Variants in KLHL1 observed in about 807,000 individuals in gnomAD.
KLHL1 encodes the protein kelch like family member 1, also known as kelch-like protein 1.
In KLHL1, 47 loss-of-function variants were observed where a neutral mutation model predicts 77.7. The ratio of observed to expected loss-of-function variants is 0.60; its 90% CI spans 0.48 to 0.77. The LOEUF (loss-of-function observed/expected upper bound fraction) is 0.77. Among genes scored for constraint, KLHL1 ranks in the 30% least tolerant of loss-of-function variants. KLHL1 has a pLI of 0.00. For synonymous variants in KLHL1, 360 were observed against 325.2 expected, an observed-to-expected ratio of 1.11 and a Z score of -1.15; for missense variants, 925 against 910.8, an observed-to-expected ratio of 1.02 and a Z score of -0.20.
chr13:70,017,866 A>G (rs1885697358), intron 1 of KLHL1, among the ~76,000 whole-genome samples: 1 of 152,174 alleles, frequency 6.6e-6, no homozygotes. Flanking sequence ...TAATTCCAAA[A>G]ATTTAAGGGT....
intron 1 of KLHL1, among the ~76,000 whole-genome samples, chr13:70,025,911 C>T (rs1380228457): frequency 2.0e-5 from 3 of 152,002 alleles, no homozygotes; most frequent in Non-Finnish European, 2.9e-5. Flanking sequence ...AGCGCTAGAG[C>T]TAATAAAGCA....
chr13:69,939,694 G>C (rs1036689291), intron 4 of KLHL1, among the ~76,000 whole-genome samples: 1 of 152,066 alleles, frequency 6.6e-6, no homozygotes, highest in Non-Finnish European at 1.5e-5. Context: ...GAGGTTCCTG[G>C]AGGGTTATGT....
intron 1 of KLHL1, among the ~76,000 whole-genome samples, chr13:69,993,820 T>A (rs1885084147): frequency 6.6e-6 from 1 of 152,124 alleles, no homozygotes; most frequent in Non-Finnish European, 1.5e-5. Flanking sequence ...TTTTCCAATT[T>A]GAGTGTTTGG....
At chr13:69,824,595 A>C (rs955243161) in intron 6 of KLHL1, among the ~76,000 whole-genome samples, 1 of 152,178 alleles carries the variant, frequency 6.6e-6, no homozygotes, top group African/African-American at 2.4e-5. Context: ...GGATATGCAC[A>C]ACATAAATGA....
chr13:69,924,097 G>A (rs1203038098), intron 4 of KLHL1, among the ~76,000 whole-genome samples: 1 of 152,208 alleles, frequency 6.6e-6, no homozygotes, highest in Non-Finnish European at 1.5e-5. Flanking sequence ...ACCCCCTCTG[G>A]ACCTTGGGCA....
intron 5 of KLHL1, among the ~76,000 whole-genome samples, chr13:69,865,254 T>C (rs1252826149): frequency 6.6e-6 from 1 of 152,140 alleles, no homozygotes; most frequent in African/African-American, 2.4e-5. Context: ...GAGCTTTTAA[T>C]GGTAAACCAG....
intron 4 of KLHL1, among the ~76,000 whole-genome samples, chr13:69,891,320 T>A (rs1280250602): frequency 6.6e-6 from 1 of 152,080 alleles, no homozygotes; most frequent in Non-Finnish European, 1.5e-5. Context: ...GTATTAATTT[T>A]TTAAAAAAGA....
At chr13:69,997,014 A>G (rs1282348015) in intron 1 of KLHL1, among the ~76,000 whole-genome samples, 2 of 132,988 alleles carry the variant, frequency 1.5e-5, no homozygotes, top group Non-Finnish European at 3.1e-5. Context: ...TGAGGTCAGG[A>G]GTTCGAGACC....
chr13:70,075,569 G>GTATATATATATATATATA (rs1555295388), intron 1 of KLHL1, among the ~76,000 whole-genome samples: 2,389 of 105,582 alleles, frequency 0.023, 44 homozygotes, highest in African/African-American at 0.03. Flanking sequence ...GTGTGTATGT[G>GTATATATATATATATATA]TATATATATA....
chr13:70,095,816 C>G (rs976750963), intron 1 of KLHL1, among the ~76,000 whole-genome samples: 2 of 151,606 alleles, frequency 1.3e-5, no homozygotes, highest in Non-Finnish European at 2.9e-5. Flanking sequence ...GAATAACTGT[C>G]CCTTCTCCCT....
At chr13:69,829,025 G>C (rs973964663) in intron 6 of KLHL1, among the ~76,000 whole-genome samples, 1 of 150,410 alleles carries the variant, frequency 6.6e-6, no homozygotes, top group African/African-American at 2.5e-5. Flanking sequence ...CTTGCCCATT[G>C]CCTGAGAAAC....
intron 1 of KLHL1, among the ~76,000 whole-genome samples, chr13:70,025,425 T>A (rs1476788799): frequency 3.3e-5 from 5 of 152,018 alleles, no homozygotes; most frequent in Non-Finnish European, 4.4e-5. Context: ...ATTTGTCATG[T>A]AATGGGAGTT....
At chr13:70,101,434 T>A (rs1176129334) in intron 1 of KLHL1, among the ~76,000 whole-genome samples, 2 of 151,978 alleles carry the variant, frequency 1.3e-5, no homozygotes, top group Non-Finnish European at 1.5e-5. Context: ...TATATATATA[T>A]AATTTTTTTT....
At chr13:69,820,814 G>A (rs551572113) in intron 6 of KLHL1, among the ~76,000 whole-genome samples, 2 of 152,328 alleles carry the variant, frequency 1.3e-5, no homozygotes, top group East Asian at 3.9e-4. Flanking sequence ...GCCCACTCCA[G>A]CTGCTGATAA....
At chr13:69,850,433 C>T (rs55876065) in intron 5 of KLHL1, among the ~76,000 whole-genome samples, 7,262 of 151,574 alleles carry the variant, frequency 0.048, 247 homozygotes, top group African/African-American at 0.088. Context: ...GTCAACCTCA[C>T]ATCCAAACAG....
chr13:69,968,195 C>T (rs1278512161), intron 2 of KLHL1, among the ~76,000 whole-genome samples: 1 of 152,026 alleles, frequency 6.6e-6, no homozygotes, highest in Non-Finnish European at 1.5e-5. Context: ...AAGATTAACA[C>T]TCCCAGAAGG....
chr13:70,104,111 T>A (rs187357913), intron 1 of KLHL1, among the ~76,000 whole-genome samples: 113 of 152,280 alleles, frequency 7.4e-4, no homozygotes, highest in African/African-American at 2.7e-3. Context: ...ACATATGGAA[T>A]CTTGGGCAGA....
In KLHL1 at chr13:70,107,833, G is replaced by A. The variant is rs1018168298; in HGVS notation, c.-134C>T. ...CTCTGCACCCCTAGAGCCAGAAGAC[G>A]CTAGGTGGGCTGCGCGCTCTGCCAG... On this transcript the variant is annotated 5_prime_UTR_variant, in exon 1 of 11. Coordinates refer to ENST00000377844, the MANE Select transcript of KLHL1 (RefSeq NM_020866.3). 18 of 660,248 alleles carry A rather than the reference G, an allele frequency of 2.7e-5. No homozygotes were observed. The highest frequency in any genetic ancestry group is 4.2e-4 in the Middle Eastern group (1 of 2,362). The allele number at this position is 660,248 out of a possible 1,614,324, so 40.9% of individuals were successfully genotyped here. A position where few individuals can be genotyped will look rare whatever the true frequency, so the allele number is the denominator to read the frequency against.
chr13:69,764,970 G>T (rs1263359494), intron 7 of KLHL1, among the ~76,000 whole-genome samples: 595 of 14,296 alleles, frequency 0.042, 5 homozygotes, highest in Non-Finnish European at 0.049. Flanking sequence ...TTTTTTTTTT[G>T]AGACCAAGTC....
Sources: gnomAD v4.1 joint callset for allele counts (sites outside exome capture counted in the v4.1 genomes callset) on GRCh38, gnomAD v4.1.1 for gene constraint, MANE v1.5 for transcripts, NCBI Gene and HGNC (gene_info 2026-07-23, HGNC 2026-07-21) for gene names.